SUPT3H: variants seen among roughly 807,000 people sequenced by gnomAD.
SUPT3H encodes transcription initiation protein SPT3 homolog.
SUPT3H carries 44 observed loss-of-function variants against 44.3 expected under a neutral mutation model. That is an observed-to-expected ratio of 0.99 (90% confidence interval 0.78 to 1.28). The LOEUF is 1.28. Among genes scored for constraint, SUPT3H ranks in the 50% most tolerant of loss-of-function variants. SUPT3H has a pLI of 0.00. For missense variants in SUPT3H, 380 were observed against 387.1 expected (o/e 0.98, Z 0.15); for synonymous variants, 124 against 125.6 (o/e 0.99, Z 0.09).
intron 2 of SUPT3H, among the ~76,000 whole-genome samples, chr6:45,326,563 C>T (rs961093942): frequency 1.3e-5 from 2 of 151,844 alleles, no homozygotes; most frequent in African/African-American, 2.4e-5. Flanking sequence ...AAATAAAACA[C>T]CAAAATGTAT....
chr6:45,005,844 G>C (rs1782645440), intron 5 of SUPT3H, among the ~76,000 whole-genome samples: 1 of 151,818 alleles, frequency 6.6e-6, no homozygotes, highest in South Asian at 2.1e-4. Context: ...ATTTGTAAAG[G>C]TTTACTTTGT....
rs561236059 is a variant in SUPT3H at position 44,878,471 on chromosome 6, A to C, written c.913-48614T>G. Among the ~76,000 whole-genome samples, 6 of 151,634 alleles carry C rather than the reference A, an allele frequency of 4.0e-5. No homozygotes were observed. In the East Asian group the frequency reaches 1.2e-3, roughly 29 times the overall value. On this transcript the variant is annotated intron_variant, in intron 10 of 10. Coordinates refer to ENST00000371459, the MANE Select transcript of SUPT3H (RefSeq NM_003599.4). ...AAGCCTTTTTTTTTTTAAACTAATG[A>C]GAGTTTTGAGAAATAGAAGATCGTG...
intron 3 of SUPT3H, among the ~76,000 whole-genome samples, chr6:45,041,247 G>C (rs928320022): frequency 1.3e-5 from 2 of 152,190 alleles, no homozygotes; most frequent in African/African-American, 4.8e-5. Context: ...TGCACTTAAA[G>C]GCAGGGGAGA....
intron 10 of SUPT3H, among the ~76,000 whole-genome samples, chr6:44,903,909 A>C (rs933236006): frequency 1.3e-5 from 2 of 152,224 alleles, no homozygotes; most frequent in African/African-American, 4.8e-5. Context: ...TCCAGCATAT[A>C]AACAGAACCA....
chr6:44,977,934 A>T (rs1490435335), intron 6 of SUPT3H, among the ~76,000 whole-genome samples: 2 of 152,176 alleles, frequency 1.3e-5, no homozygotes, highest in African/African-American at 4.8e-5. Context: ...CAGTTTTCAT[A>T]AGATCTAGAA....
chr6:45,242,013 T>C (rs950382668), intron 2 of SUPT3H, among the ~76,000 whole-genome samples: 2 of 152,188 alleles, frequency 1.3e-5, no homozygotes, highest in Non-Finnish European at 2.9e-5. Context: ...TCAATTACAT[T>C]ATTCCAACAG....
chr6:44,978,617 T>TG (rs1778666207), intron 6 of SUPT3H, among the ~76,000 whole-genome samples: 1 of 152,180 alleles, frequency 6.6e-6, no homozygotes. Flanking sequence ...TTTGTAGGCT[T>TG]TAAGTGGGAA....
At chr6:45,070,312 C>A (rs540183671) in intron 3 of SUPT3H, among the ~76,000 whole-genome samples, 1 of 152,102 alleles carries the variant, frequency 6.6e-6, no homozygotes, top group Admixed American at 6.5e-5. Flanking sequence ...GTTTTCAGAT[C>A]AACAGAAGAT....
intron 10 of SUPT3H, among the ~76,000 whole-genome samples, chr6:44,913,208 C>T (rs1767321910): frequency 6.6e-6 from 1 of 152,178 alleles, no homozygotes; most frequent in African/African-American, 2.4e-5. Context: ...AGTTGACAGT[C>T]TACATTAGGA....
chr6:45,192,564 T>C (rs1053881860), intron 2 of SUPT3H, among the ~76,000 whole-genome samples: 10 of 152,200 alleles, frequency 6.6e-5, no homozygotes. Flanking sequence ...TTGGTGTTTC[T>C]CTTTAAATTG....
At chr6:44,865,892 G>T (rs1775419498) in intron 10 of SUPT3H, among the ~76,000 whole-genome samples, 1 of 152,152 alleles carries the variant, frequency 6.6e-6, no homozygotes, top group African/African-American at 2.4e-5. Context: ...CCAAGGAGAG[G>T]ACTCAAGATG....
chr6:44,912,246 TC>T (rs1175506821), intron 10 of SUPT3H, among the ~76,000 whole-genome samples: 3 of 152,122 alleles, frequency 2.0e-5, no homozygotes, highest in African/African-American at 4.8e-5. Flanking sequence ...TTCCTCCTCT[TC>T]CCCCACTGCT....
intron 2 of SUPT3H, among the ~76,000 whole-genome samples, chr6:45,191,382 A>C (rs1451941647): frequency 6.6e-6 from 1 of 152,132 alleles, no homozygotes; most frequent in African/African-American, 2.4e-5. Context: ...GTAGACAATA[A>C]AAAGATCAGT....
chr6:44,830,863 T>C (rs1406387009), intron 10 of SUPT3H, among the ~76,000 whole-genome samples: 1 of 137,988 alleles, frequency 7.2e-6, no homozygotes, highest in Non-Finnish European at 1.5e-5. Context: ...TCCAGCCCAA[T>C]GAATTAACCT....
chr6:44,951,644 T>C (rs536132989), intron 9 of SUPT3H, among the ~76,000 whole-genome samples: 2 of 152,254 alleles, frequency 1.3e-5, no homozygotes, highest in South Asian at 2.1e-4. Context: ...CCAGCACATA[T>C]AGGATATTCC....
intron 9 of SUPT3H, among the ~76,000 whole-genome samples, chr6:44,935,087 C>T (rs1771189983): frequency 6.6e-6 from 1 of 152,100 alleles, no homozygotes; most frequent in Non-Finnish European, 1.5e-5. Context: ...CATAATGAAG[C>T]TACTAGGCGC....
chr6:44,829,645 G>A lies in SUPT3H; in HGVS notation c.*171C>T, dbSNP rs947488964. The stretch of plus-strand genomic sequence containing the variant: ...AACAGCCCATCTAGTAAACAAGACC[G>A]ATGGTTGAGGGGCTGGAAAAGAGGA... On this transcript the variant is annotated 3_prime_UTR_variant, in exon 11 of 11. Transcript: ENST00000371459. 1.6e-5 allele frequency: 11 copies of A among 678,218 alleles called. No individual in the cohort carries two copies. Among genetic ancestry groups the A allele is most frequent in the Admixed American group, 5.2e-5 (2 of 38,624 alleles). The allele number at this position is 678,218 out of a possible 1,614,324, so 42.0% of individuals were successfully genotyped here.
At chr6:45,326,027 CA>C (rs1463528108) in intron 2 of SUPT3H, among the ~76,000 whole-genome samples, 1 of 151,780 alleles carries the variant, frequency 6.6e-6, no homozygotes, top group African/African-American at 2.4e-5. Flanking sequence ...ACTAAACTCT[CA>C]AATCCTGGTC....
intron 2 of SUPT3H, among the ~76,000 whole-genome samples, chr6:45,110,560 A>G (rs1387543850): frequency 3.0e-5 from 3 of 99,584 alleles, no homozygotes; most frequent in African/African-American, 5.3e-5. Context: ...TTCTAACATC[A>G]GCTTTTTTTA....
Sources: allele counts gnomAD v4.1 joint callset (sites outside exome capture counted in the v4.1 genomes callset), GRCh38; gene constraint gnomAD v4.1.1; transcripts MANE v1.5; gene names NCBI Gene and HGNC (gene_info 2026-07-23, HGNC 2026-07-21).